TANC2: variants seen among roughly 807,000 people sequenced by gnomAD.
TANC2 encodes the protein protein TANC2.
A neutral mutation model predicts 210.5 loss-of-function variants in TANC2; 26 were observed. That is an observed-to-expected ratio of 0.12 (90% CI 0.09 to 0.17). The LOEUF is 0.17. Among genes scored for constraint, TANC2 ranks in the 10% least tolerant of loss-of-function variants. The pLI is 1.00. For missense variants in TANC2, 2,129 were observed against 2,608.9 expected, an observed-to-expected ratio of 0.82 and a Z score of 4.01; for synonymous variants, 931 against 967.1, an observed-to-expected ratio of 0.96 and a Z score of 0.69.
chr17:63,355,099 A>G (rs1010549727), exon 14 of TANC2: 1 of 1,613,798 alleles, frequency 6.2e-7, no homozygotes, highest in African/African-American at 1.3e-5. Flanking sequence ...TATTTACTCC[A>G]GTGCAATATG....
intron 3 of TANC2, among the ~76,000 whole-genome samples, chr17:63,091,049 G>A (rs2037170146): frequency 6.6e-6 from 1 of 151,460 alleles, no homozygotes; most frequent in African/African-American, 2.4e-5. Context: ...ACTTGTTGAT[G>A]GGGTTGTTTG....
chr17:63,310,701 A>G (rs898772044), intron 9 of TANC2, among the ~76,000 whole-genome samples: 4 of 152,226 alleles, frequency 2.6e-5, no homozygotes, highest in Non-Finnish European at 5.9e-5. Flanking sequence ...TTTCACACAC[A>G]TAAATTACTT....
intron 14 of TANC2, among the ~76,000 whole-genome samples, chr17:63,359,039 GTTA>G (rs1360009519): frequency 6.7e-6 from 1 of 150,188 alleles, no homozygotes; most frequent in Non-Finnish European, 1.5e-5. Flanking sequence ...AGACTACTGC[GTTA>G]TTATGTGTGT....
chr17:63,255,131 G>A (rs1235770816), intron 8 of TANC2, among the ~76,000 whole-genome samples: 10 of 150,750 alleles, frequency 6.6e-5, no homozygotes. Context: ...TTGAGACGAA[G>A]TCTCACTCTG....
intron 4 of TANC2, among the ~76,000 whole-genome samples, chr17:63,104,256 G>A (rs541170533): frequency 1.3e-5 from 2 of 152,194 alleles, no homozygotes; most frequent in South Asian, 4.2e-4. Flanking sequence ...TTCTTGCCCA[G>A]TGCTCCTTCC....
In TANC2 at chr17:63,029,793, T is replaced by C. The variant is rs1032887809; in HGVS notation, c.67+20167T>C. Among the ~76,000 whole-genome samples, 9 of 152,202 alleles carry C rather than the reference T, an allele frequency of 5.9e-5. No individual in the cohort carries two copies. In the East Asian group the frequency reaches 1.7e-3, roughly 29 times the overall value. On this transcript the variant is annotated intron_variant, in intron 2 of 27. Coordinates refer to ENST00000689528, the Ensembl canonical transcript of TANC2. ...CAACAGCAACAATATACTTGGAGGATAGGCTGGGAGGAGAGGAGAATGCAA... is the reference window on the plus strand; with the variant it reads ...CAACAGCAACAATATACTTGGAGGACAGGCTGGGAGGAGAGGAGAATGCAA...
intron 5 of TANC2, among the ~76,000 whole-genome samples, chr17:63,168,979 A>G (rs994238581): frequency 5.9e-5 from 9 of 152,250 alleles, no homozygotes; most frequent in Non-Finnish European, 1.3e-4. Context: ...TGATTTAGCT[A>G]TACCCGGAGG....
intron 8 of TANC2, among the ~76,000 whole-genome samples, chr17:63,244,830 A>G (rs976742999): frequency 2.0e-5 from 3 of 152,228 alleles, no homozygotes; most frequent in African/African-American, 7.2e-5. Flanking sequence ...TCATGGAGGC[A>G]GGTCTTTCCT....
At chr17:63,183,050 T>C (rs2040844308) in intron 5 of TANC2, among the ~76,000 whole-genome samples, 1 of 147,102 alleles carries the variant, frequency 6.8e-6, no homozygotes, top group Non-Finnish European at 1.5e-5. Context: ...TTGAATTTAT[T>C]GATGAGGCCA....
intron 4 of TANC2, among the ~76,000 whole-genome samples, chr17:63,126,442 C>G (rs148591657): frequency 0.011 from 1,715 of 152,190 alleles, 30 homozygotes; most frequent in African/African-American, 0.038. Context: ...GAGTCTTCTT[C>G]TGTCGCCCAG....
exon 28 of TANC2, chr17:63,424,041 C>T (rs2049086386): frequency 6.6e-6 from 1 of 152,220 alleles, no homozygotes; most frequent in African/African-American, 2.4e-5. Flanking sequence ...ATCTTTACAT[C>T]TTACTCCTTA....
chr17:63,257,800 T>G (rs189548905), intron 8 of TANC2, among the ~76,000 whole-genome samples: 3 of 152,358 alleles, frequency 2.0e-5, no homozygotes, highest in African/African-American at 4.8e-5. Context: ...TTTTTAACTT[T>G]GTATTGTTTC....
At chr17:63,262,823 A>G (rs1257418615) in intron 8 of TANC2, among the ~76,000 whole-genome samples, 1 of 152,138 alleles carries the variant, frequency 6.6e-6, no homozygotes, top group African/African-American at 2.4e-5. Context: ...TTAGAACAGC[A>G]ATAGGGATGG....
intron 2 of TANC2, among the ~76,000 whole-genome samples, chr17:63,072,886 A>G (rs1019315627): frequency 6.6e-6 from 1 of 152,130 alleles, no homozygotes; most frequent in African/African-American, 2.4e-5. Flanking sequence ...TATATCAATA[A>G]TGAATTAAAA....
At chr17:63,011,165 G>C (rs1254530352) in intron 2 of TANC2, among the ~76,000 whole-genome samples, 1 of 152,052 alleles carries the variant, frequency 6.6e-6, no homozygotes, top group African/African-American at 2.4e-5. Flanking sequence ...TGAAGACTCA[G>C]AAGTTTTAGA....
intron 2 of TANC2, among the ~76,000 whole-genome samples, chr17:63,069,460 G>A (rs574275754): frequency 1.3e-5 from 2 of 152,262 alleles, no homozygotes; most frequent in African/African-American, 4.8e-5. Flanking sequence ...GCTGTCACAT[G>A]TGTTAGCTCA....
chr17:63,382,711 C>G (rs1217891358), intron 15 of TANC2, among the ~76,000 whole-genome samples: 1 of 152,186 alleles, frequency 6.6e-6, no homozygotes, highest in African/African-American at 2.4e-5. Context: ...AGAGATAACT[C>G]CTATTCTAAA....
intron 2 of TANC2, among the ~76,000 whole-genome samples, chr17:63,010,959 G>T (rs1299016618): frequency 2.0e-5 from 3 of 152,000 alleles, no homozygotes; most frequent in Non-Finnish European, 4.4e-5. Context: ...GCTCCATTAT[G>T]CACATATGAT....
chr17:63,317,902 AG>A (rs2045364280), intron 10 of TANC2, among the ~76,000 whole-genome samples: 1 of 152,254 alleles, frequency 6.6e-6, no homozygotes, highest in African/African-American at 2.4e-5. Flanking sequence ...AAAGGGGAAT[AG>A]AGTAGGGGAA....
Sources: allele counts gnomAD v4.1 joint callset (sites outside exome capture counted in the v4.1 genomes callset), GRCh38; gene constraint gnomAD v4.1.1; transcripts MANE v1.5; gene names NCBI Gene and HGNC (gene_info 2026-07-23, HGNC 2026-07-21).